AREL1: variants seen among roughly 807,000 people sequenced by gnomAD.
The protein encoded by AREL1 is apoptosis-resistant E3 ubiquitin protein ligase 1.
A neutral mutation model predicts 99.0 loss-of-function variants in AREL1; 62 were observed. The ratio of observed to expected loss-of-function variants is 0.63; its 90% CI spans 0.51 to 0.77. The LOEUF (loss-of-function observed/expected upper bound fraction) is 0.77, where lower values mean the gene tolerates loss of function less well. Among genes scored for constraint, AREL1 ranks in the 30% least tolerant of loss-of-function variants. The pLI is 0.00. For synonymous variants in AREL1, 380 were observed against 376.5 expected (o/e 1.01, Z -0.11); for missense variants, 879 against 1,027.6 (o/e 0.86, Z 1.98).
At chr14:74,673,887 A>T (rs2089413328) in intron 9 of AREL1, 147 bp downstream of exon 9, 1 of 593,870 alleles carries the variant, frequency 1.7e-6, no homozygotes, top group Admixed American at 3.1e-5. Flanking sequence ...TAGTGAGGAG[A>T]TAATGATGCT....
intron 18 of AREL1, among the ~76,000 whole-genome samples, chr14:74,664,507 G>A (rs1191571140): frequency 1.5e-5 from 2 of 129,928 alleles, no homozygotes; most frequent in Admixed American, 9.1e-5. Context: ...AGGCTGCAGT[G>A]CAGTGGCGTG....
chr14:74,712,037 G>GAAA (rs1354053230), intron 1 of AREL1: 1 of 11,364 alleles, frequency 8.8e-5, no homozygotes, highest in African/African-American at 2.9e-4. Context: ...AAGACAAAGT[G>GAAA]CAAAAAAAAA....
chr14:74,680,339 T>C (rs12323883), intron 5 of AREL1, among the ~76,000 whole-genome samples: 3,002 of 152,148 alleles, frequency 0.02, 84 homozygotes, highest in African/African-American at 0.068. Flanking sequence ...GAAATGCAAA[T>C]TAAAAGCACA....
chr14:74,665,834 C>G (rs1259841918), intron 17 of AREL1, among the ~76,000 whole-genome samples: 1 of 152,228 alleles, frequency 6.6e-6, no homozygotes, highest in Non-Finnish European at 1.5e-5. Flanking sequence ...AGAGCCCAAA[C>G]TGAGCCTGAG....
chr14:74,690,978 G>C (rs1472395408), intron 2 of AREL1: 1 of 151,620 alleles, frequency 6.6e-6, no homozygotes, highest in African/African-American at 2.4e-5. Flanking sequence ...TAAGGTTGCT[G>C]AACATCTCAC....
In AREL1 at chr14:74,669,949, T is replaced by C. The variant is rs1234570177; in HGVS notation, c.1786A>G (p.Lys596Glu). The C allele has an allele frequency of 1.2e-6, 2 of 1,606,878 alleles. No individual in the cohort carries two copies. The highest frequency in any genetic ancestry group is 3.4e-5 in the Admixed American group (2 of 58,968). The change falls in exon 14 of 20, where the codon AAG (lysine) becomes GAG (glutamate). Residue 596 changes from lysine (K) to glutamate (E), a missense_variant and splice_region_variant. By Grantham distance (56) the Lys-to-Glu change is moderately conservative. Transcript: ENST00000356357. Reference sequence around the variant, plus strand: ...GAAATGCACACCCAAGATGTTACCTTGTAATGCATACGCAGTCCTATGATT... The same window carrying C: ...GAAATGCACACCCAAGATGTTACCTCGTAATGCATACGCAGTCCTATGATT... ...AQIIGLRMHY[K>E]YFETDDPEFY...
At chr14:74,712,847 C>G (rs760115895) in intron 1 of AREL1, 86 bp downstream of exon 1, 9 of 460,730 alleles carry the variant, frequency 2.0e-5, no homozygotes, top group Non-Finnish European at 3.7e-5. Context: ...AGTCTGAACC[C>G]CCCTACCCTT....
At chr14:74,664,766 C>CT in intron 18 of AREL1, 70 bp downstream of exon 18, 1 of 1,456,860 alleles carries the variant, frequency 6.9e-7, no homozygotes, top group Non-Finnish European at 9.5e-7. Context: ...GCCTCCTCTA[C>CT]TTTTTTCTTC....
intron 5 of AREL1, among the ~76,000 whole-genome samples, chr14:74,680,943 G>C (rs2089613811): frequency 6.6e-6 from 1 of 152,168 alleles, no homozygotes; most frequent in African/African-American, 2.4e-5. Flanking sequence ...AGCACCTTGG[G>C]AGGCCAAGGC....
chr14:74,686,590 G>C (rs1204163000), intron 2 of AREL1, among the ~76,000 whole-genome samples: 1 of 152,168 alleles, frequency 6.6e-6, no homozygotes, highest in Non-Finnish European at 1.5e-5. Flanking sequence ...CCTTTTATCA[G>C]CACTAGAATA....
rs370307461 is a variant in AREL1, at chr14:74,676,325, T to C, written c.652-4A>G. Reference sequence around the variant, plus strand: ...TCTCTTCTTCTTGAGGGCCGAGCTATAGGAAGGCAACAGAGCATCACTTAA... The same window carrying C: ...TCTCTTCTTCTTGAGGGCCGAGCTACAGGAAGGCAACAGAGCATCACTTAA... On this transcript the variant is annotated splice_region_variant and splice_polypyrimidine_tract_variant and intron_variant, in intron 6 of 19. Coordinates refer to ENST00000356357, the MANE Select transcript of AREL1 (RefSeq NM_001039479.2). 2.0e-5 allele frequency: 32 copies of C among 1,613,618 alleles called. No individual in the cohort carries two copies. Among genetic ancestry groups the C allele is most frequent in the South Asian group, 4.4e-5 (4 of 91,052 alleles).
At position 74,664,750 on chromosome 14, in the gene AREL1, C is replaced by A. The variant is rs1057232703; in HGVS notation, c.2193+86G>T. The A allele has an allele frequency of 3.5e-5, 40 of 1,153,480 alleles. No homozygotes were observed. The South Asian group carries it at 5.0e-4, about 14-fold the overall frequency. The allele number at this position is 1,153,480 out of a possible 1,614,324, so 71.5% of individuals were successfully genotyped here. ...CTGGGATTACAGGCATGAGCCACTG[C>A]GCCCGGCCTCCTCTACTTTTTTCTT... On this transcript the variant is annotated intron_variant, in intron 18 of 19. Transcript: ENST00000356357.
At position 74,689,539 on chromosome 14, in the gene AREL1, C is replaced by T. The variant is rs377041259; in HGVS notation, c.-46+2502G>A. 1.4e-4 allele frequency among the ~76,000 whole-genome samples: 21 copies of T among 151,674 alleles called. 1 individual carries two copies. The highest frequency in any genetic ancestry group is 5.8e-4 in the East Asian group (3 of 5,180). On this transcript the variant is annotated intron_variant, in intron 2 of 19. Transcript: ENST00000356357. ...CTAATATTAAATTTAGAAATTCCTT[C>T]CCTCATGTGAATCTCCATAGAACAT... is the stretch of plus-strand genomic sequence containing the variant.
At position 74,673,204 on chromosome 14, in the gene AREL1, A is replaced by C; in HGVS notation, c.1173T>G (p.Gly391=). The change falls in exon 10 of 20, where the codon GGT becomes GGG. Residue 391 remains glycine, a synonymous_variant. Coordinates refer to ENST00000356357, the MANE Select transcript of AREL1 (RefSeq NM_001039479.2). ...VCPGTKFSYL[G]PDPVHKLLTL... is the part of the protein sequence containing the mutation. Reference sequence around the variant, plus strand: ...TGAGCAGCTTATGGACAGGGTCAGGACCAAGGTATGAAAACTGGTAAAGAA... The same window carrying C: ...TGAGCAGCTTATGGACAGGGTCAGGCCCAAGGTATGAAAACTGGTAAAGAA... 1 of 1,614,064 alleles carries C rather than the reference A, an allele frequency of 6.2e-7. No homozygotes were observed. The highest frequency in any genetic ancestry group is 8.5e-7 in the Non-Finnish European group (1 of 1,180,022).
At position 74,669,776 on chromosome 14, in the gene AREL1, TGAG is replaced by T. The variant is rs2089289071; in HGVS notation, c.1789-5_1789-3del. ...TTCTGGGTCATCTGTTTCAAAGTAC[TGAG>T]GAGGCAGAAAGACACAGAACAGAAC... On this transcript the variant is annotated splice_polypyrimidine_tract_variant and splice_region_variant and intron_variant, in intron 14 of 19. Coordinates refer to ENST00000356357, the MANE Select transcript of AREL1 (RefSeq NM_001039479.2). 6.2e-7 allele frequency: 1 copy of T among 1,614,014 alleles called. No individual in the cohort carries two copies. The highest frequency in any genetic ancestry group is 1.7e-5 in the Admixed American group (1 of 59,998).
At chr14:74,666,166 A>G (rs530727269) in intron 17 of AREL1, among the ~76,000 whole-genome samples, 3 of 152,364 alleles carry the variant, frequency 2.0e-5, no homozygotes, top group East Asian at 1.9e-4. Flanking sequence ...GTTAATAGAA[A>G]TAAGAATTGG....
intron 1 of AREL1, among the ~76,000 whole-genome samples, chr14:74,699,689 A>G (rs2090047625): frequency 6.6e-6 from 1 of 152,170 alleles, no homozygotes; most frequent in Non-Finnish European, 1.5e-5. Context: ...TCTTGTTTAT[A>G]TCAATTAGCC....
chr14:74,694,867 T>C (rs1419066539), intron 1 of AREL1, among the ~76,000 whole-genome samples: 1 of 151,450 alleles, frequency 6.6e-6, no homozygotes, highest in South Asian at 2.1e-4. Context: ...CGGGTGCCTG[T>C]AGTCCTAGCT....
intron 1 of AREL1, among the ~76,000 whole-genome samples, chr14:74,707,389 A>G (rs934178402): frequency 2.0e-5 from 3 of 151,694 alleles, no homozygotes; most frequent in Non-Finnish European, 4.4e-5. Context: ...GAGGCCGGGC[A>G]CAGTGGATCA....
Sources: allele counts gnomAD v4.1 joint callset (sites outside exome capture counted in the v4.1 genomes callset), GRCh38; gene constraint gnomAD v4.1.1; transcripts MANE v1.5; gene names NCBI Gene and HGNC (gene_info 2026-07-23, HGNC 2026-07-21).